The following TMEM255B variants were observed in gnomAD, a reference collection of about 807,000 sequenced individuals.
TMEM255B encodes the protein family with sequence similarity 70, member B.
In TMEM255B, 35 loss-of-function variants were observed where a neutral mutation model predicts 34.5. That is an observed-to-expected ratio of 1.01 (90% confidence interval 0.77 to 1.34). TMEM255B has a LOEUF of 1.34. Among genes scored for constraint, TMEM255B ranks in the 40% most tolerant of loss-of-function variants. The pLI is 0.00. For synonymous variants in TMEM255B, 206 were observed against 201.2 expected, an observed-to-expected ratio of 1.02 and a Z score of -0.20; for missense variants, 432 against 433.2, an observed-to-expected ratio of 1.00 and a Z score of 0.02.
At chr13:113,762,692 C>G (rs1429244787) in intron 1 of TMEM255B, among the ~76,000 whole-genome samples, 1 of 152,198 alleles carries the variant, frequency 6.6e-6, no homozygotes, top group East Asian at 1.9e-4. Flanking sequence ...TGGGCCCCCA[C>G]TCTTCATGCC....
intron 3 of TMEM255B, among the ~76,000 whole-genome samples, chr13:113,783,981 GT>G (rs1387570381): frequency 1.3e-5 from 2 of 152,148 alleles, no homozygotes; most frequent in Non-Finnish European, 2.9e-5. Context: ...GCTGCTCCTG[GT>G]TATAAAGTTG....
At chr13:113,789,195 G>A (rs1433304356) in intron 3 of TMEM255B, among the ~76,000 whole-genome samples, 1 of 144,696 alleles carries the variant, frequency 6.9e-6, no homozygotes, top group African/African-American at 2.6e-5. Flanking sequence ...ACTTTCTTCT[G>A]TTGGAATGTA....
chr13:113,812,092 G>C lies in TMEM255B; in HGVS notation c.*189G>C. On this transcript the variant is annotated 3_prime_UTR_variant, in exon 9 of 9. Transcript: ENST00000375353. ...ACCAGGCAGGGAGTGGGGCCCTCCA[G>C]ACCCAGGCTGGTGACACCTTGGCTT... 1 of 712,786 alleles carries C rather than the reference G, an allele frequency of 1.4e-6. No homozygotes were observed. The allele number at this position is 712,786 out of a possible 1,614,324, so 44.2% of individuals were successfully genotyped here. A position where few individuals can be genotyped will look rare whatever the true frequency, so the allele number is the denominator to read the frequency against.
rs1444240055 is a variant in TMEM255B at position 113,761,215 on chromosome 13, C to A, written c.46+1900C>A. The A allele has an allele frequency of 1.2e-5, 12 of 985,228 alleles. No individual in the cohort carries two copies. In the Admixed American group the frequency reaches 3.7e-4, roughly 30 times the overall value. 61.0% of individuals were successfully genotyped at this position (985,228 alleles called of 1,614,324 possible). On this transcript the variant is annotated intron_variant, in intron 1 of 8. Coordinates refer to ENST00000375353, the MANE Select transcript of TMEM255B (RefSeq NM_182614.4). The stretch of plus-strand genomic sequence containing the variant: ...GTTCCAGGTCCGGCTGGCAGGAAGG[C>A]CGGATCTTAGAACCCTTCCAAGCAG...
At chr13:113,776,312 A>T (rs967916512) in intron 3 of TMEM255B, among the ~76,000 whole-genome samples, 10 of 152,166 alleles carry the variant, frequency 6.6e-5, no homozygotes, top group African/African-American at 2.4e-4. Context: ...GTTACAGGAA[A>T]ATCAACCAAG....
At chr13:113,759,606 T>C (rs7331531) in intron 1 of TMEM255B, among the ~76,000 whole-genome samples, 37,865 of 152,198 alleles carry the variant, frequency 0.25, 5,147 homozygotes, top group Middle Eastern at 0.37. Flanking sequence ...TCTTTGCCTT[T>C]CTCTGACTCT....
chr13:113,807,241 C>T (rs978894316), intron 8 of TMEM255B, among the ~76,000 whole-genome samples: 6 of 151,476 alleles, frequency 4.0e-5, no homozygotes, highest in East Asian at 1.9e-4. Context: ...GTGAGCCCCA[C>T]GGAGGTGTAA....
chr13:113,805,218 C>T (rs547160984), intron 8 of TMEM255B, among the ~76,000 whole-genome samples, 190 bp downstream of exon 8: 31 of 152,292 alleles, frequency 2.0e-4, no homozygotes, highest in African/African-American at 7.0e-4. Flanking sequence ...CCGGGGACCG[C>T]GCCAGGTGGC....
rs560590222 is a variant in TMEM255B, at chr13:113,773,262, G to A, written c.252+4102G>A. On this transcript the variant is annotated intron_variant, in intron 3 of 8. Coordinates refer to ENST00000375353, the MANE Select transcript of TMEM255B (RefSeq NM_182614.4). ...TCCATTGCAAGTGTTTAGAAATACT[G>A]TTGACTTTGTATGTTGATCTAATAT... Among the ~76,000 whole-genome samples the A allele has an allele frequency of 1.1e-4, 17 of 152,312 alleles. No homozygotes were observed. The East Asian group carries it at 3.1e-3, about 28-fold the overall frequency.
At chr13:113,777,937 G>A (rs1479179645) in intron 3 of TMEM255B, among the ~76,000 whole-genome samples, 2 of 152,198 alleles carry the variant, frequency 1.3e-5, no homozygotes, top group South Asian at 2.1e-4. Flanking sequence ...GCAGTGCTGC[G>A]TGGTCTCTGG....
rs144826637 is a variant in TMEM255B at position 113,795,211 on chromosome 13, G to A, written c.316G>A (p.Asp106Asn). 4.3e-6 allele frequency: 7 copies of A among 1,613,884 alleles called. No homozygotes were observed. The highest frequency in any genetic ancestry group is 4.5e-5 in the East Asian group (2 of 44,894). ...VVAAFCCAIV[D>N]GVFAAQHIEP... ...GGCCGCCTTCTGCTGCGCCATCGTG[G>A]ACGGCGTATTTGCAGCACAGCACAT... Residue 106 changes from aspartate (D) to asparagine (N), a missense_variant, in exon 4 of 9, where the codon GAC becomes AAC. Physicochemically the swap from Asp to Asn is conservative, Grantham distance 23 (BLOSUM62 1). Transcript: ENST00000375353.
At chr13:113,783,925 A>T (rs1457055686) in intron 3 of TMEM255B, among the ~76,000 whole-genome samples, 1 of 152,176 alleles carries the variant, frequency 6.6e-6, no homozygotes, top group South Asian at 2.1e-4. Context: ...TGAGGGGTGC[A>T]AGCATGACAT....
At chr13:113,795,589 ACAC>A (rs199899186) in intron 4 of TMEM255B, among the ~76,000 whole-genome samples, 79 of 144,916 alleles carry the variant, frequency 5.5e-4, no homozygotes, top group East Asian at 1.5e-3. Flanking sequence ...CACAGCACAC[ACAC>A]CACAACAGAG....
chr13:113,789,067 C>T (rs905322446), intron 3 of TMEM255B, among the ~76,000 whole-genome samples: 1 of 152,098 alleles, frequency 6.6e-6, no homozygotes, highest in African/African-American at 2.4e-5. Context: ...GAGACCCAGC[C>T]GCCCTCTTGA....
rs894802790 is a variant in TMEM255B at position 113,770,551 on chromosome 13, C to A, written c.252+1391C>A. 5.3e-5 allele frequency among the ~76,000 whole-genome samples: 8 copies of A among 152,208 alleles called. No individual in the cohort carries two copies. Among genetic ancestry groups the A allele is most frequent in the African/African-American group, 1.9e-4 (8 of 41,448 alleles). On this transcript the variant is annotated intron_variant, in intron 3 of 8. Transcript: ENST00000375353. The surrounding 1 kb of genome is among the most constrained non-coding windows in gnomAD (Gnocchi z 4.6). ...CAAAGACACTGGGATTCTGGTGGAG[C>A]AAAGCGTTCTGTTCTGCATAGTAGA... is the stretch of plus-strand genomic sequence containing the variant.
At chr13:113,803,565 C>T (rs1182789033) in intron 7 of TMEM255B, among the ~76,000 whole-genome samples, 6 of 125,248 alleles carry the variant, frequency 4.8e-5, no homozygotes, top group South Asian at 2.2e-4. Flanking sequence ...TCTGTGCACT[C>T]GCCCCGGCCC....
chr13:113,784,879 G>A (rs1043735178), intron 3 of TMEM255B, among the ~76,000 whole-genome samples: 6 of 151,562 alleles, frequency 4.0e-5, no homozygotes, highest in Non-Finnish European at 8.8e-5. Flanking sequence ...CTAGGTTTCG[G>A]CACCAAATGT....
chr13:113,759,429 C>T lies in TMEM255B; in HGVS notation c.46+114C>T, dbSNP rs2050256315. 1.2e-5 allele frequency: 12 copies of T among 980,438 alleles called. No homozygotes were observed. In the South Asian group the frequency reaches 2.0e-4, roughly 17 times the overall value. The allele number at this position is 980,438 out of a possible 1,614,324, so 60.7% of individuals were successfully genotyped here. A position where few individuals can be genotyped will look rare whatever the true frequency, so the allele number is the denominator to read the frequency against. On this transcript the variant is annotated intron_variant, in intron 1 of 8. Transcript: ENST00000375353. ...GCGGAACCTGCGCGGAGACGCGGCA[C>T]GGGGTCTGGTCCCTCCGCCTCCTTC... is the stretch of plus-strand genomic sequence containing the variant.
chr13:113,808,795 G>T (rs923715432), intron 8 of TMEM255B, among the ~76,000 whole-genome samples: 1 of 108,616 alleles, frequency 9.2e-6, no homozygotes, highest in Non-Finnish European at 1.8e-5. Flanking sequence ...TGGTTCCTGG[G>T]GGGGGGGTTA....
Sources: allele counts gnomAD v4.1 joint callset (sites outside exome capture counted in the v4.1 genomes callset), GRCh38; gene constraint gnomAD v4.1.1; non-coding constraint Gnocchi (gnomAD v3.1); transcripts MANE v1.5; gene names NCBI Gene and HGNC (gene_info 2026-07-23, HGNC 2026-07-21).